Variants in ABHD18 observed in about 807,000 individuals in gnomAD.
The protein encoded by ABHD18 is cardiolipin-specific deacylase, mitochondrial.
ABHD18 carries 55 observed loss-of-function variants against 65.9 expected under a neutral mutation model. The ratio of observed to expected loss-of-function variants is 0.84; its 90% confidence interval spans 0.67 to 1.05. The LOEUF (loss-of-function observed/expected upper bound fraction) is 1.05, where lower values mean the gene tolerates loss of function less well. ABHD18 is among the 50% of genes least tolerant of loss of function. The pLI is 0.00. For synonymous variants in ABHD18, 181 were observed against 180.2 expected, an observed-to-expected ratio of 1.00 and a Z score of -0.04; for missense variants, 533 against 558.5, an observed-to-expected ratio of 0.95 and a Z score of 0.46.
chr4:128,000,897 C>T (rs1001811552), intron 4 of ABHD18, among the ~76,000 whole-genome samples: 2 of 152,084 alleles, frequency 1.3e-5, no homozygotes, highest in South Asian at 2.1e-4. Flanking sequence ...GGTTGTGTGG[C>T]TATTATAAAT....
intron 4 of ABHD18, among the ~76,000 whole-genome samples, chr4:127,998,305 T>C (rs1192035489): frequency 1.4e-5 from 2 of 140,410 alleles, no homozygotes; most frequent in African/African-American, 5.1e-5. Context: ...TTTTTTGAGA[T>C]GGAGTCTTGC....
chr4:127,994,811 T>C (rs1751477453), intron 4 of ABHD18, among the ~76,000 whole-genome samples: 1 of 152,160 alleles, frequency 6.6e-6, no homozygotes, highest in Non-Finnish European at 1.5e-5. Context: ...GTAAAAAATA[T>C]TTTTCACATA....
chr4:127,967,716 A>T (rs903395413), intron 1 of ABHD18, among the ~76,000 whole-genome samples: 2 of 152,012 alleles, frequency 1.3e-5, no homozygotes, highest in African/African-American at 4.8e-5. Context: ...AGGAAAAAAA[A>T]AAAAAGAAAA....
rs1759198583 is a variant in ABHD18 at position 128,039,886 on chromosome 4, C to G, written c.*4073C>G. The G allele has an allele frequency of 6.6e-6, 1 of 151,864 alleles. No individual in the cohort carries two copies. The highest frequency in any genetic ancestry group is 2.4e-5 in the African/African-American group (1 of 41,336). 9.4% of individuals were successfully genotyped at this position (151,864 alleles called of 1,614,324 possible). A position where few individuals can be genotyped will look rare whatever the true frequency, so the allele number is the denominator to read the frequency against. On this transcript the variant is annotated 3_prime_UTR_variant, in exon 13 of 13. Transcript: ENST00000645843. ...CTCTAGCAGAACAGTATCAGTATCT[C>G]TATAAAAATAACCAAAATTTTCCCC... is the stretch of plus-strand genomic sequence containing the variant.
At chr4:128,031,104 G>C in intron 12 of ABHD18, 1 of 988,916 alleles carries the variant, frequency 1.0e-6, no homozygotes, top group Non-Finnish European at 1.2e-6. Context: ...TAAATAAGAA[G>C]TGCTTTTAAT....
Position 128,030,570 on chromosome 4 carries a change from G to A in ABHD18, c.1241G>A (p.Arg414Gln), listed in dbSNP as rs367696956. 6.2e-6 allele frequency: 10 copies of A among 1,608,266 alleles called. No individual in the cohort carries two copies. The highest frequency in any genetic ancestry group is 2.7e-5 in the African/African-American group (2 of 74,602). The change falls in exon 12 of 13, where the codon CGA becomes CAA. Residue 414 changes from arginine to glutamine, a missense_variant. Physicochemically the swap from Arg to Gln is conservative, Grantham distance 43 (BLOSUM62 1). Coordinates refer to ENST00000645843, the MANE Select transcript of ABHD18 (RefSeq NM_001358451.3). ...GCCAAAGAAGATGCCTATATTCCAC[G>A]AACAGGAGTTCGAAGTTTACAAGAA... ...VQAKEDAYIPRTGVRSLQEIW... is the reference protein window; with the variant it reads ...VQAKEDAYIPQTGVRSLQEIW...
Position 128,038,756 on chromosome 4 carries a change from C to A in ABHD18, c.*2943C>A, listed in dbSNP as rs1759084321. 1 of 151,760 alleles carries A rather than the reference C, an allele frequency of 6.6e-6. No homozygotes were observed. Among genetic ancestry groups the A allele is most frequent in the Non-Finnish European group, 1.5e-5 (1 of 67,978 alleles). The allele number at this position is 151,760 out of a possible 1,614,324, so 9.4% of individuals were successfully genotyped here. A position where few individuals can be genotyped will look rare whatever the true frequency, so the allele number is the denominator to read the frequency against. On this transcript the variant is annotated 3_prime_UTR_variant, in exon 13 of 13. Transcript: ENST00000645843. ...AAATACAAAATTTTTAAAAAAAATA[C>A]AAAATTAGCCAGGCGTGGTGGCACA...
In ABHD18 at chr4:128,028,741, TCA is replaced by T; in HGVS notation, c.1069_1070del (p.Gln357ValfsTer6). The part of the protein sequence containing the change: ...NKSGYTSRNP[Q>X]SYHLLSKEQS... ...AAAGTGGTTATACAAGTCGCAACCC[TCA>T]GTCATACCACCTACTTAGTAAAGAA... is the stretch of plus-strand genomic sequence containing the variant. On this transcript the variant is annotated frameshift_variant, in exon 11 of 13. Transcript: ENST00000645843. LOFTEE classifies it high-confidence loss of function. 1 of 1,613,930 alleles carries T rather than the reference TCA, an allele frequency of 6.2e-7. No individual in the cohort carries two copies. Among genetic ancestry groups the T allele is most frequent in the South Asian group, 1.1e-5 (1 of 91,078 alleles).
chr4:128,019,028 A>AAG (rs1756025938), intron 8 of ABHD18, among the ~76,000 whole-genome samples: 1 of 152,108 alleles, frequency 6.6e-6, no homozygotes, highest in Non-Finnish European at 1.5e-5. Flanking sequence ...AAAAAAAAAA[A>AAG]AAAAATTCAA....
intron 1 of ABHD18, among the ~76,000 whole-genome samples, chr4:127,969,756 T>C (rs1343099036): frequency 6.6e-6 from 1 of 151,894 alleles, no homozygotes; most frequent in African/African-American, 2.4e-5. Context: ...GGAATTTTTT[T>C]TTTTTTTTGG....
intron 4 of ABHD18, among the ~76,000 whole-genome samples, chr4:127,991,914 G>C (rs891101444): frequency 2.6e-5 from 4 of 152,138 alleles, no homozygotes; most frequent in African/African-American, 9.7e-5. Flanking sequence ...TGATTGACCT[G>C]ATTAAAAGTT....
At chr4:128,034,999 T>C (rs1758720023) in intron 12 of ABHD18, among the ~76,000 whole-genome samples, 1 of 152,192 alleles carries the variant, frequency 6.6e-6, no homozygotes, top group Non-Finnish European at 1.5e-5. Flanking sequence ...GTAAAGTTAA[T>C]GTGAGAAACC....
intron 4 of ABHD18, among the ~76,000 whole-genome samples, chr4:128,002,568 C>T (rs2149114958): frequency 6.6e-6 from 1 of 150,824 alleles, no homozygotes; most frequent in East Asian, 2.0e-4. Flanking sequence ...GTGTGAGGCA[C>T]CACACCCTAC....
At chr4:128,029,054 A>C (rs1371779182) in intron 11 of ABHD18, among the ~76,000 whole-genome samples, 1 of 152,128 alleles carries the variant, frequency 6.6e-6, no homozygotes, top group Non-Finnish European at 1.5e-5. Context: ...CTTATTCATT[A>C]AGAAACACAC....
intron 6 of ABHD18, 137 bp from the exon 7 acceptor site, chr4:128,011,536 C>A: frequency 5.0e-6 from 2 of 399,924 alleles, no homozygotes; most frequent in Non-Finnish European, 8.4e-6. Flanking sequence ...TTAAGAACTT[C>A]TAAACAGCCT....
chr4:128,020,510 T>A (rs1353845591), intron 9 of ABHD18, among the ~76,000 whole-genome samples: 1 of 152,168 alleles, frequency 6.6e-6, no homozygotes, highest in Non-Finnish European at 1.5e-5. Context: ...AGCCTTGCAG[T>A]CCAGAGTTTT....
intron 1 of ABHD18, among the ~76,000 whole-genome samples, chr4:127,972,449 T>C (rs1747014282): frequency 6.6e-6 from 1 of 150,424 alleles, no homozygotes; most frequent in South Asian, 2.1e-4. Context: ...TAACAGACAC[T>C]CATCACTTAA....
intron 4 of ABHD18, among the ~76,000 whole-genome samples, chr4:128,003,949 A>T (rs80108577): frequency 6.2e-5 from 3 of 48,446 alleles, no homozygotes; most frequent in African/African-American, 5.5e-5. Context: ...GTCTCGATTT[A>T]AAAAAAAAAA....
In ABHD18 at chr4:128,008,261, CTTTTTTTTTTTTT is replaced by C. The variant is rs1167728243; in HGVS notation, c.279-643_279-631del. On this transcript the variant is annotated intron_variant, in intron 4 of 12. Coordinates refer to ENST00000645843, the MANE Select transcript of ABHD18 (RefSeq NM_001358451.3). ...TGGGCAACAGAGTGAGACTCCGTTC[CTTTTTTTTTTTTT>C]TTTTTTTTTTTTTTTGAGACGGAGT... Among the ~76,000 whole-genome samples the C allele has an allele frequency of 9.2e-5, 9 of 97,784 alleles. 1 individual carries two copies. In the South Asian group the frequency reaches 1.9e-3, roughly 21 times the overall value. 64.2% of individuals were successfully genotyped at this position (97,784 alleles called of 152,430 possible). A position where few individuals can be genotyped will look rare whatever the true frequency, so the allele number is the denominator to read the frequency against.
Sources: gnomAD v4.1 joint callset for allele counts (sites outside exome capture counted in the v4.1 genomes callset) on GRCh38, gnomAD v4.1.1 for gene constraint, MANE v1.5 for transcripts, NCBI Gene and HGNC (gene_info 2026-07-23, HGNC 2026-07-21) for gene names.